Variants in XPA observed in about 807,000 individuals in gnomAD.
The protein encoded by XPA is XPA, DNA damage recognition and repair factor.
XPA carries 27 observed loss-of-function variants against 35.7 expected under a neutral mutation model. The observed-to-expected ratio is 0.76, with a 90% CI of 0.56 to 1.04. XPA has a LOEUF of 1.04. Among genes scored for constraint, XPA ranks in the 50% least tolerant of loss-of-function variants. The probability of loss-of-function intolerance (pLI) is 0.00; values close to 1 mark genes in which losing one functional copy is unlikely to be tolerated. For missense variants in XPA, 354 were observed against 342.7 expected, an observed-to-expected ratio of 1.03 and a Z score of -0.26; for synonymous variants, 133 against 118.4, an observed-to-expected ratio of 1.12 and a Z score of -0.80.
the XPA span, chr9:97,662,260 T>C: frequency 1.8e-5 from 13 of 720,318 alleles, no homozygotes; most frequent in Non-Finnish European, 2.6e-5. Context: ...AGTGTATAAT[T>C]GGACACAGTG....
chr9:97,688,225 A>C (rs897837318), intron 3 of XPA, among the ~76,000 whole-genome samples: 1 of 152,120 alleles, frequency 6.6e-6, no homozygotes, highest in Non-Finnish European at 1.5e-5. Context: ...CTAGGTAAGA[A>C]TCCATCTCCT....
chr9:97,668,475 C>T, the XPA span, among the ~76,000 whole-genome samples: 1 of 152,168 alleles, frequency 6.6e-6, no homozygotes, highest in Admixed American at 6.5e-5. Flanking sequence ...GCCCATAGGA[C>T]TTGCCCAGTT....
intron 5 of XPA, among the ~76,000 whole-genome samples, chr9:97,676,370 A>C (rs3176747): frequency 0.12 from 17,995 of 152,268 alleles, 3,022 homozygotes; most frequent in African/African-American, 0.37. Flanking sequence ...GGGTTCTTTG[A>C]AAGCAACCAA....
intron 5 of XPA, among the ~76,000 whole-genome samples, chr9:97,677,855 G>T (rs1181617390): frequency 6.6e-6 from 1 of 152,006 alleles, no homozygotes; most frequent in African/African-American, 2.4e-5. Context: ...GCTCCCTCCA[G>T]AAGAGGAGGC....
At chr9:97,689,880 A>G (rs1455301301) in intron 2 of XPA, among the ~76,000 whole-genome samples, 2 of 152,256 alleles carry the variant, frequency 1.3e-5, no homozygotes, top group African/African-American at 4.8e-5. Flanking sequence ...GCCATGTACA[A>G]GGTACTTGTA....
intron 5 of XPA, 173 bp from the exon 6 acceptor site, chr9:97,675,760 T>TA: frequency 1.3e-6 from 1 of 789,414 alleles, no homozygotes; most frequent in Non-Finnish European, 2.1e-6. Flanking sequence ...TTGGCAAACT[T>TA]ACTTTCTTAC....
chr9:97,667,858 C>T, the XPA span, among the ~76,000 whole-genome samples: 1 of 152,186 alleles, frequency 6.6e-6, no homozygotes, highest in South Asian at 2.1e-4. Context: ...TAACATTGGC[C>T]CCATTGAAGA....
intron 5 of XPA, among the ~76,000 whole-genome samples, chr9:97,681,323 A>G (rs1180215732): frequency 2.0e-5 from 3 of 152,180 alleles, no homozygotes; most frequent in Non-Finnish European, 4.4e-5. Flanking sequence ...AGGAAAAGAC[A>G]CAATGACAAT....
the XPA span, among the ~76,000 whole-genome samples, chr9:97,654,531 T>C: frequency 1.3e-5 from 2 of 151,690 alleles, no homozygotes; most frequent in Non-Finnish European, 1.5e-5. Flanking sequence ...GCCAGTAGAC[T>C]TGCTTGTTGC....
At chr9:97,691,180 G>A (rs1187833926) in intron 2 of XPA, among the ~76,000 whole-genome samples, 1 of 152,156 alleles carries the variant, frequency 6.6e-6, no homozygotes, top group Non-Finnish European at 1.5e-5. Context: ...AAAAAATTTT[G>A]TCTCCCTCCA....
downstream of XPA, chr9:97,673,113 G>T (rs1471369190): frequency 6.6e-6 from 1 of 152,240 alleles, no homozygotes; most frequent in Non-Finnish European, 1.5e-5. Context: ...GGGTGATGGA[G>T]CGAGGCTCTG....
chr9:97,686,466 A>C (rs545341362), intron 4 of XPA, among the ~76,000 whole-genome samples: 12 of 152,268 alleles, frequency 7.9e-5, no homozygotes, highest in African/African-American at 2.9e-4. Flanking sequence ...GTATTTATGA[A>C]ATTCTTGAAA....
chr9:97,695,139 C>G (rs1304657975), intron 1 of XPA, among the ~76,000 whole-genome samples: 1 of 152,184 alleles, frequency 6.6e-6, no homozygotes. Context: ...GTGTACATGT[C>G]TTGATCACGA....
In XPA at chr9:97,687,262, C is replaced by G. The variant is rs750218942; in HGVS notation, c.390-1G>C. On this transcript the variant is annotated splice_acceptor_variant, in intron 3 of 5. Transcript: ENST00000375128. LOFTEE classifies it high-confidence loss of function. ...AAGCTTGTGTTTATCATCAGCATCT[C>G]TGAAAACAGATTAAGTCCATTATAT... is the stretch of plus-strand genomic sequence containing the variant. 47 of 1,602,704 alleles carry G rather than the reference C, an allele frequency of 2.9e-5. No individual in the cohort carries two copies. In the East Asian group the frequency reaches 1.0e-3, roughly 35 times the overall value.
chr9:97,658,878 A>G, the XPA span: 130 of 673,644 alleles, frequency 1.9e-4, no homozygotes, highest in Non-Finnish European at 3.1e-4. Flanking sequence ...AAGGTGGTCT[A>G]TCATTAGCCA....
the XPA span, among the ~76,000 whole-genome samples, chr9:97,664,898 G>A: frequency 6.6e-6 from 1 of 152,202 alleles, no homozygotes; most frequent in East Asian, 1.9e-4. Flanking sequence ...CAAGACACCT[G>A]AGGGATGGGG....
At chr9:97,680,428 C>A (rs981810669) in intron 5 of XPA, among the ~76,000 whole-genome samples, 1 of 152,122 alleles carries the variant, frequency 6.6e-6, no homozygotes, top group Non-Finnish European at 1.5e-5. Context: ...AGGCTGGTCT[C>A]AAACTCCTGG....
At chr9:97,686,220 G>A (rs1828712163) in intron 4 of XPA, among the ~76,000 whole-genome samples, 1 of 152,140 alleles carries the variant, frequency 6.6e-6, no homozygotes, top group Admixed American at 6.5e-5. Context: ...AATATTTTAA[G>A]CTAACAGCAC....
At chr9:97,660,969 G>A in the XPA span, 3 of 1,611,638 alleles carry the variant, frequency 1.9e-6, no homozygotes, top group African/African-American at 4.0e-5. Flanking sequence ...ACATTCTGTT[G>A]CCCTCTGTTT....
Sources: gnomAD v4.1 joint callset for allele counts (sites outside exome capture counted in the v4.1 genomes callset) on GRCh38, gnomAD v4.1.1 for gene constraint, MANE v1.5 for transcripts, NCBI Gene and HGNC (gene_info 2026-07-23, HGNC 2026-07-21) for gene names.